VAV3: variants seen among roughly 807,000 people sequenced by gnomAD.
The protein encoded by VAV3 is guanine nucleotide exchange factor VAV3.
In VAV3, 94 loss-of-function variants were observed where a neutral mutation model predicts 131.2. The observed-to-expected ratio is 0.72, with a 90% confidence interval of 0.61 to 0.85. The LOEUF is 0.85. Ranked by LOEUF, VAV3 falls within the 40% of genes least tolerant of loss-of-function variation. VAV3 has a pLI of 0.00. For missense variants in VAV3, 939 were observed against 1,002.7 expected (o/e 0.94, Z 0.86); for synonymous variants, 349 against 342.0 (o/e 1.02, Z -0.22).
chr1:107,725,184 C>T (rs946005756), intron 15 of VAV3, among the ~76,000 whole-genome samples: 4 of 152,138 alleles, frequency 2.6e-5, no homozygotes, highest in Non-Finnish European at 4.4e-5. Context: ...AGTTGGGAGT[C>T]AGGTGGCTAC....
At chr1:107,811,411 G>A (rs191822271) in intron 2 of VAV3, among the ~76,000 whole-genome samples, 2 of 152,278 alleles carry the variant, frequency 1.3e-5, no homozygotes, top group East Asian at 1.9e-4. Context: ...ATAGGATGAC[G>A]CTCTGGAAAA....
At chr1:107,884,422 T>C (rs1464045753) in intron 1 of VAV3, among the ~76,000 whole-genome samples, 1 of 143,428 alleles carries the variant, frequency 7.0e-6, no homozygotes, top group African/African-American at 2.7e-5. Context: ...TTATTATTAT[T>C]ATTATTATTA....
chr1:107,920,019 C>A (rs1241192419), intron 1 of VAV3, among the ~76,000 whole-genome samples: 1 of 152,140 alleles, frequency 6.6e-6, no homozygotes, highest in East Asian at 1.9e-4. Context: ...CGGTGGTAAT[C>A]TTTTCTTTCA....
At chr1:107,770,785 G>T in intron 5 of VAV3, 57 bp from the exon 6 acceptor site, 1 of 1,381,152 alleles carries the variant, frequency 7.2e-7, no homozygotes, top group South Asian at 1.3e-5. Flanking sequence ...TTAACCTATC[G>T]GGAAGTAGAG....
intron 19 of VAV3, among the ~76,000 whole-genome samples, chr1:107,660,869 C>T (rs996355058): frequency 1.6e-4 from 24 of 151,976 alleles, no homozygotes; most frequent in Non-Finnish European, 2.6e-4. Context: ...AAATTGCAAA[C>T]GCTACGGAAG....
intron 1 of VAV3, among the ~76,000 whole-genome samples, chr1:107,886,795 T>TTA (rs1230009777): frequency 2.0e-5 from 3 of 152,134 alleles, no homozygotes; most frequent in African/African-American, 7.2e-5. Context: ...GATCATGCTT[T>TTA]TATATCTGCT....
chr1:107,794,086 G>A (rs565454142), intron 2 of VAV3, among the ~76,000 whole-genome samples: 20 of 152,356 alleles, frequency 1.3e-4, no homozygotes, highest in African/African-American at 4.8e-4. Flanking sequence ...TGTTCCAGAC[G>A]GGACCAAAGA....
chr1:107,714,843 T>C (rs1316161069), intron 15 of VAV3, among the ~76,000 whole-genome samples: 1 of 152,160 alleles, frequency 6.6e-6, no homozygotes, highest in Non-Finnish European at 1.5e-5. Flanking sequence ...AAAAATCAGA[T>C]CATGCTTAGC....
intron 1 of VAV3, among the ~76,000 whole-genome samples, chr1:107,961,367 C>T (rs910057730): frequency 1.3e-5 from 2 of 152,164 alleles, no homozygotes; most frequent in African/African-American, 4.8e-5. Flanking sequence ...CACCCCCAGC[C>T]CCAACCCCAG....
At chr1:107,642,591 C>A in intron 20 of VAV3, 28 bp downstream of exon 20, 2 of 1,609,396 alleles carry the variant, frequency 1.2e-6, no homozygotes, top group Non-Finnish European at 1.7e-6. Flanking sequence ...GGGTCTGCAT[C>A]AGGACCCCTT....
intron 1 of VAV3, among the ~76,000 whole-genome samples, chr1:107,959,866 A>T (rs1397141124): frequency 6.6e-6 from 1 of 152,068 alleles, no homozygotes; most frequent in Non-Finnish European, 1.5e-5. Context: ...ATACACCCCA[A>T]CACCATACTT....
chr1:107,781,964 G>A (rs902365530), intron 2 of VAV3, among the ~76,000 whole-genome samples: 7 of 152,158 alleles, frequency 4.6e-5, no homozygotes, highest in Non-Finnish European at 2.9e-5. Flanking sequence ...ACTATTAAGC[G>A]AAAAGTCTAA....
chr1:107,660,719 A>G (rs1053615602), intron 19 of VAV3, among the ~76,000 whole-genome samples: 3 of 152,138 alleles, frequency 2.0e-5, no homozygotes, highest in African/African-American at 7.2e-5. Context: ...AACACACCCA[A>G]TGCTTATTTT....
intron 2 of VAV3, among the ~76,000 whole-genome samples, chr1:107,843,523 G>T (rs1668820600): frequency 6.9e-6 from 1 of 144,992 alleles, no homozygotes; most frequent in African/African-American, 2.7e-5. Flanking sequence ...ATGTATGTGT[G>T]CGTGTGTGTG....
chr1:107,839,397 A>G (rs961296766), intron 2 of VAV3, among the ~76,000 whole-genome samples: 6 of 152,180 alleles, frequency 3.9e-5, no homozygotes, highest in Admixed American at 1.3e-4. Flanking sequence ...AAATGTCTAG[A>G]TATCTGTTAA....
rs1041691196 is a variant in VAV3 at position 107,574,107 on chromosome 1, C to G, written c.2442G>C (p.Val814=). ...CACTCATCTTTGTGTAAATCTTCAC[C>G]ACATCTCCTTTCAACAAGGACAACT... ...MRELSLLKGD[V]VKIYTKMSAN... The change falls in exon 26 of 27, where the codon GTG becomes GTC. Residue 814 remains valine, a synonymous_variant. Transcript: ENST00000370056. The G allele has an allele frequency of 6.2e-7, 1 of 1,614,082 alleles. No individual in the cohort carries two copies. The highest frequency in any genetic ancestry group is 1.1e-5 in the South Asian group (1 of 91,050).
intron 2 of VAV3, among the ~76,000 whole-genome samples, chr1:107,850,188 A>C (rs1669154435): frequency 1.3e-5 from 2 of 152,224 alleles, no homozygotes; most frequent in South Asian, 4.1e-4. Context: ...CTAGAACTAG[A>C]AATACCATTT....
chr1:107,779,148 C>T (rs752490618), intron 3 of VAV3, among the ~76,000 whole-genome samples: 58 of 144,472 alleles, frequency 4.0e-4, no homozygotes, highest in Non-Finnish European at 8.0e-4. Context: ...ATCATATGTA[C>T]AGAAATGTTG....
At chr1:107,957,971 T>C (rs1674895906) in intron 1 of VAV3, among the ~76,000 whole-genome samples, 1 of 151,984 alleles carries the variant, frequency 6.6e-6, no homozygotes, top group Admixed American at 6.5e-5. Flanking sequence ...TTCAGTGCCT[T>C]ACCCCAGGCT....
Sources: gnomAD v4.1 joint callset for allele counts (sites outside exome capture counted in the v4.1 genomes callset) on GRCh38, gnomAD v4.1.1 for gene constraint, MANE v1.5 for transcripts, NCBI Gene and HGNC (gene_info 2026-07-23, HGNC 2026-07-21) for gene names.